Variants in PVT1 observed in about 807,000 individuals in gnomAD.
The protein encoded by PVT1 is CXCR4/PVT1 fusion.
chr8:127,910,208 A>G (rs1317862567), intron 3 of PVT1, among the ~76,000 whole-genome samples: 1 of 152,108 alleles, frequency 6.6e-6, no homozygotes, highest in African/African-American at 2.4e-5. Flanking sequence ...ACGCAAGGGG[A>G]AGATGGGACT....
rs150438965 is a variant in PVT1 at position 128,008,182 on chromosome 8, G to C, written n.912+18891G>C. 2.6e-5 allele frequency among the ~76,000 whole-genome samples: 4 copies of C among 152,266 alleles called. No individual in the cohort carries two copies. The East Asian group carries it at 7.7e-4, about 29-fold the overall frequency. On this transcript the variant is annotated intron_variant and non_coding_transcript_variant, in intron 4 of 10. Transcript: ENST00000651587. ...CCGATTAATTAGTGAACGGTCATCTGTTTCTCCCAGGAATTTTTAATGATC... is the reference window on the plus strand; with the variant it reads ...CCGATTAATTAGTGAACGGTCATCTCTTTCTCCCAGGAATTTTTAATGATC...
intron 4 of PVT1, among the ~76,000 whole-genome samples, chr8:128,067,188 C>T (rs896029099): frequency 5.3e-5 from 8 of 152,134 alleles, no homozygotes; most frequent in Non-Finnish European, 8.8e-5. Context: ...GTTGAAGTCT[C>T]GACTCCCTAA....
chr8:127,841,385 C>T (rs149991643), intron 2 of PVT1, among the ~76,000 whole-genome samples: 10 of 150,902 alleles, frequency 6.6e-5, no homozygotes, highest in East Asian at 2.0e-4. Flanking sequence ...GTGATCTTCC[C>T]GCCTCAGCCT....
rs183441059 is a variant in PVT1 at position 127,880,875 on chromosome 8, A to G, written n.373-9714A>G. On this transcript the variant is annotated intron_variant and non_coding_transcript_variant, in intron 2 of 10. Coordinates refer to ENST00000651587, the Ensembl canonical transcript of PVT1. ...CAGCCTCCCAACGTGCTGGGATTAC[A>G]GGCGTGAGCCACTGCGCTCAGCTTT... 2.1e-3 allele frequency among the ~76,000 whole-genome samples: 319 copies of G among 152,358 alleles called. 1 individual carries two copies. Among genetic ancestry groups the G allele is most frequent in the African/African-American group, 6.7e-3 (278 of 41,590 alleles).
intron 3 of PVT1, among the ~76,000 whole-genome samples, chr8:127,950,795 A>T (rs1315105948): frequency 2.0e-5 from 3 of 152,188 alleles, no homozygotes; most frequent in Non-Finnish European, 4.4e-5. Flanking sequence ...AGGAGGGAGG[A>T]TGGCTAACAG....
chr8:128,006,759 T>C (rs1817252232), intron 4 of PVT1, among the ~76,000 whole-genome samples: 1 of 152,246 alleles, frequency 6.6e-6, no homozygotes, highest in South Asian at 2.1e-4. Context: ...TCTGGACTCT[T>C]GGATTCTCAT....
At chr8:127,872,809 T>A (rs1198601781) in intron 2 of PVT1, among the ~76,000 whole-genome samples, 1 of 152,230 alleles carries the variant, frequency 6.6e-6, no homozygotes, top group African/African-American at 2.4e-5. Flanking sequence ...TCATGAGAGT[T>A]ACAGCAGACT....
intron 4 of PVT1, among the ~76,000 whole-genome samples, chr8:128,013,890 A>G (rs1364569777): frequency 6.6e-6 from 1 of 152,184 alleles, no homozygotes; most frequent in African/African-American, 2.4e-5. Context: ...TTTTGACTCA[A>G]TTTAGCTTAA....
intron 4 of PVT1, among the ~76,000 whole-genome samples, chr8:127,990,673 A>G (rs140341030): frequency 1.5e-3 from 236 of 152,386 alleles, no homozygotes; most frequent in Non-Finnish European, 2.8e-3. Flanking sequence ...GTTGTGCTAC[A>G]TATGTCATCT....
At chr8:127,863,437 G>A (rs2129755347) in intron 2 of PVT1, among the ~76,000 whole-genome samples, 1 of 152,252 alleles carries the variant, frequency 6.6e-6, no homozygotes, top group Middle Eastern at 3.4e-3. Context: ...GTTCTCAGGT[G>A]AGTGGCATTT....
intron 3 of PVT1, among the ~76,000 whole-genome samples, chr8:127,910,709 C>A (rs576751587): frequency 6.6e-6 from 1 of 152,188 alleles, no homozygotes; most frequent in South Asian, 2.1e-4. Flanking sequence ...CTGTAATAAT[C>A]CTAGGAGGAT....
chr8:128,037,103 T>TC (rs1563671976), intron 4 of PVT1, among the ~76,000 whole-genome samples: 1 of 151,598 alleles, frequency 6.6e-6, no homozygotes, highest in Non-Finnish European at 1.5e-5. Context: ...AGATGGAAGC[T>TC]CCCCCAGGCA....
chr8:127,947,809 A>G (rs1420040441), intron 3 of PVT1: 4 of 456,434 alleles, frequency 8.8e-6, no homozygotes, highest in African/African-American at 8.0e-5. Flanking sequence ...ACTATGAAAC[A>G]GGAATACAAA....
At chr8:127,991,729 G>A (rs1042764788) in intron 4 of PVT1, among the ~76,000 whole-genome samples, 2 of 152,166 alleles carry the variant, frequency 1.3e-5, no homozygotes, top group Admixed American at 6.5e-5. Context: ...TCTGAGGCCC[G>A]CAGTCCTGAG....
chr8:128,093,948 A>C (rs976504600), intron 5 of PVT1, among the ~76,000 whole-genome samples: 2 of 152,172 alleles, frequency 1.3e-5, no homozygotes, highest in Non-Finnish European at 2.9e-5. Flanking sequence ...CTCTGCAAGG[A>C]ACCAATGAAT....
At chr8:127,836,762 A>G (rs1814912833) in intron 2 of PVT1, among the ~76,000 whole-genome samples, 1 of 152,190 alleles carries the variant, frequency 6.6e-6, no homozygotes, top group African/African-American at 2.4e-5. Flanking sequence ...GAGTATTACA[A>G]TAAGAAACTT....
At chr8:127,998,821 T>TTCCTTCCC (rs1291104703) in intron 4 of PVT1, among the ~76,000 whole-genome samples, 1 of 60,062 alleles carries the variant, frequency 1.7e-5, no homozygotes, top group African/African-American at 5.0e-5. Context: ...CCTCCTCCCC[T>TTCCTTCCC]TCCTTCCTTC....
At chr8:127,936,843 C>T (rs1182159028) in intron 3 of PVT1, among the ~76,000 whole-genome samples, 1 of 152,248 alleles carries the variant, frequency 6.6e-6, no homozygotes, top group Admixed American at 6.5e-5. Flanking sequence ...CCCACCTCTG[C>T]AGAGCCACCT....
At chr8:127,873,925 T>C (rs1311658022) in intron 2 of PVT1, among the ~76,000 whole-genome samples, 3 of 152,210 alleles carry the variant, frequency 2.0e-5, no homozygotes, top group African/African-American at 7.2e-5. Context: ...GTCTAGTGGA[T>C]GAATACCCAG....
Sources: allele counts gnomAD v4.1 joint callset (sites outside exome capture counted in the v4.1 genomes callset), GRCh38; gene constraint gnomAD v4.1.1; transcripts MANE v1.5; gene names NCBI Gene and HGNC (gene_info 2026-07-23, HGNC 2026-07-21).